DPP10: variants seen among roughly 807,000 people sequenced by gnomAD.
The protein encoded by DPP10 is dipeptidyl peptidase like 10.
A neutral mutation model predicts 120.9 loss-of-function variants in DPP10; 33 were observed. That is an observed-to-expected ratio of 0.27 (90% CI 0.21 to 0.37). DPP10 has a LOEUF of 0.37. Ranked by LOEUF, DPP10 falls within the 10% of genes least tolerant of loss-of-function variation. The pLI, the probability that DPP10 is intolerant of heterozygous loss-of-function variation, is 1.00. For missense variants in DPP10, 816 were observed against 942.8 expected (o/e 0.87, Z 1.76); for synonymous variants, 337 against 326.1 (o/e 1.03, Z -0.36).
intron 21 of DPP10, among the ~76,000 whole-genome samples, chr2:115,827,414 G>GTATA (rs70941101): frequency 0.047 from 3,528 of 75,324 alleles, 116 homozygotes; most frequent in African/African-American, 0.08. Flanking sequence ...ATGTGTGTGT[G>GTATA]TATATATATA....
intron 1 of DPP10, among the ~76,000 whole-genome samples, chr2:115,038,748 A>T (rs1704417714): frequency 1.3e-5 from 2 of 152,194 alleles, no homozygotes; most frequent in African/African-American, 4.8e-5. Flanking sequence ...AGGGACAGTG[A>T]TTACTCTCGC....
chr2:115,374,023 T>G (rs148382989), intron 3 of DPP10, among the ~76,000 whole-genome samples: 331 of 152,014 alleles, frequency 2.2e-3, no homozygotes, highest in Non-Finnish European at 3.8e-3. Flanking sequence ...CCACCAGGCC[T>G]CTCTTGCAAC....
chr2:115,641,867 A>G (rs1341494716), intron 5 of DPP10, among the ~76,000 whole-genome samples: 5 of 152,188 alleles, frequency 3.3e-5, no homozygotes, highest in African/African-American at 1.2e-4. Flanking sequence ...TAGTGTTACC[A>G]AGTATCAACC....
At chr2:115,788,434 G>A (rs1683575825) in intron 17 of DPP10, among the ~76,000 whole-genome samples, 1 of 152,124 alleles carries the variant, frequency 6.6e-6, no homozygotes, top group Non-Finnish European at 1.5e-5. Context: ...ACATAGACTA[G>A]CAGTAGAGAA....
chr2:115,466,424 A>G (rs541462266), intron 3 of DPP10, among the ~76,000 whole-genome samples: 1 of 152,322 alleles, frequency 6.6e-6, no homozygotes, highest in South Asian at 2.1e-4. Context: ...ATATTATTAT[A>G]CTAAATCATA....
intron 1 of DPP10, among the ~76,000 whole-genome samples, chr2:115,155,508 T>A (rs1423288885): frequency 2.6e-5 from 4 of 152,218 alleles, no homozygotes; most frequent in Admixed American, 2.6e-4. Flanking sequence ...TAAATCAAGT[T>A]GCTAACTGAA....
At chr2:115,110,128 C>T (rs12991431) in intron 1 of DPP10, among the ~76,000 whole-genome samples, 1,756 of 152,304 alleles carry the variant, frequency 0.012, 18 homozygotes, top group Non-Finnish European at 0.017. Flanking sequence ...ATAATAATTA[C>T]CTCTCGATTT....
intron 3 of DPP10, among the ~76,000 whole-genome samples, chr2:115,402,951 A>G (rs66827093): frequency 0.078 from 11,018 of 142,058 alleles, 583 homozygotes; most frequent in Non-Finnish European, 0.11. Context: ...GTGTGTGTGT[A>G]TATATATATA....
chr2:115,582,320 A>G (rs557465082), intron 5 of DPP10, among the ~76,000 whole-genome samples: 87 of 152,278 alleles, frequency 5.7e-4, no homozygotes, highest in South Asian at 1.5e-3. Context: ...TGCAAGAAGA[A>G]GGTCATAAAC....
At chr2:115,560,846 C>T (rs996522056) in intron 5 of DPP10, among the ~76,000 whole-genome samples, 11 of 152,084 alleles carry the variant, frequency 7.2e-5, no homozygotes, top group Non-Finnish European at 1.5e-4. Context: ...TGAAGTGAAT[C>T]ATCAGGGACT....
intron 1 of DPP10, among the ~76,000 whole-genome samples, chr2:115,294,222 G>A (rs774445202): frequency 6.6e-6 from 1 of 152,072 alleles, no homozygotes; most frequent in Non-Finnish European, 1.5e-5. Flanking sequence ...AGTTTGAAAG[G>A]CAGTCATGGT....
chr2:115,488,774 A>G (rs1167324599), intron 3 of DPP10, among the ~76,000 whole-genome samples: 3 of 132,574 alleles, frequency 2.3e-5, no homozygotes, highest in Non-Finnish European at 4.8e-5. Context: ...AGATATACCT[A>G]ATGCTAGATG....
At chr2:114,671,256 A>G (rs958282353) in intron 1 of DPP10, among the ~76,000 whole-genome samples, 1 of 152,176 alleles carries the variant, frequency 6.6e-6, no homozygotes, top group African/African-American at 2.4e-5. Flanking sequence ...AGTACGTTCT[A>G]TGAAGTTTGC....
intron 1 of DPP10, among the ~76,000 whole-genome samples, chr2:114,760,526 T>A (rs547694856): frequency 3.3e-5 from 5 of 151,096 alleles, no homozygotes; most frequent in Non-Finnish European, 5.9e-5. Flanking sequence ...TACTGTTTTT[T>A]ATCTATATAT....
chr2:115,384,043 A>G (rs1316404052), intron 3 of DPP10, among the ~76,000 whole-genome samples: 1 of 152,190 alleles, frequency 6.6e-6, no homozygotes, highest in Non-Finnish European at 1.5e-5. Context: ...AGAAAACAAT[A>G]CCCCAAAGTA....
chr2:115,004,288 T>C (rs1701652210), intron 1 of DPP10, among the ~76,000 whole-genome samples: 1 of 152,174 alleles, frequency 6.6e-6, no homozygotes, highest in Non-Finnish European at 1.5e-5. Flanking sequence ...TGATCTATAA[T>C]ACATTTCAAA....
intron 1 of DPP10, among the ~76,000 whole-genome samples, chr2:114,461,202 C>G (rs1174899907): frequency 6.6e-6 from 1 of 152,144 alleles, no homozygotes; most frequent in Non-Finnish European, 1.5e-5. Flanking sequence ...CATTTGAGTT[C>G]CATATGATTT....
rs1192573265 is a variant in DPP10 at position 114,515,021 on chromosome 2, C to T, written c.60+72183C>T. ...CTTCAGTACAGTTTGTAGCTATTTGCTTAACTGAAATCTAGGTACAAGCCT... is the reference window on the plus strand; with the variant it reads ...CTTCAGTACAGTTTGTAGCTATTTGTTTAACTGAAATCTAGGTACAAGCCT... On this transcript the variant is annotated intron_variant, in intron 1 of 25. Transcript: ENST00000410059. Among the ~76,000 whole-genome samples, 28 of 152,134 alleles carry T rather than the reference C, an allele frequency of 1.8e-4. 1 individual carries two copies. Among genetic ancestry groups the T allele is most frequent in the Admixed American group, 1.8e-3 (28 of 15,278 alleles).
At chr2:114,725,937 A>G (rs186124883) in intron 1 of DPP10, among the ~76,000 whole-genome samples, 1 of 152,310 alleles carries the variant, frequency 6.6e-6, no homozygotes, top group African/African-American at 2.4e-5. Flanking sequence ...GATTTCAGCA[A>G]AAGTTCTTCT....
Sources: gnomAD v4.1 joint callset for allele counts (sites outside exome capture counted in the v4.1 genomes callset) on GRCh38, gnomAD v4.1.1 for gene constraint, MANE v1.5 for transcripts, NCBI Gene and HGNC (gene_info 2026-07-23, HGNC 2026-07-21) for gene names.